The following FANCL variants were observed in gnomAD, a reference collection of about 807,000 sequenced individuals.
The protein encoded by FANCL is E3 ubiquitin-protein ligase FANCL.
A neutral mutation model predicts 59.4 loss-of-function variants in FANCL; 69 were observed. The ratio of observed to expected loss-of-function variants is 1.16; its 90% CI spans 0.96 to 1.42. The LOEUF (loss-of-function observed/expected upper bound fraction) is 1.42. FANCL is among the 40% of genes most tolerant of loss of function. FANCL has a pLI of 0.00. For synonymous variants in FANCL, 180 were observed against 147.1 expected, an observed-to-expected ratio of 1.22 and a Z score of -1.62; for missense variants, 519 against 447.2, an observed-to-expected ratio of 1.16 and a Z score of -1.45.
chr2:58,236,294 T>A (rs574938099), intron 1 of FANCL, among the ~76,000 whole-genome samples: 57 of 151,822 alleles, frequency 3.8e-4, no homozygotes, highest in African/African-American at 1.3e-3. Flanking sequence ...AGCAGAGATT[T>A]CTCGTAGAAA....
chr2:58,171,815 C>T (rs1015568783), intron 7 of FANCL, among the ~76,000 whole-genome samples: 1 of 152,176 alleles, frequency 6.6e-6, no homozygotes, highest in African/African-American at 2.4e-5. Flanking sequence ...CTGCCTCCCT[C>T]GGGAAGTGCA....
At chr2:58,210,869 T>C (rs748025072) in intron 5 of FANCL, among the ~76,000 whole-genome samples, 2 of 151,970 alleles carry the variant, frequency 1.3e-5, no homozygotes, top group African/African-American at 2.4e-5. Context: ...GATACAAGAG[T>C]TGAGTTCCCA....
intron 5 of FANCL, among the ~76,000 whole-genome samples, chr2:58,211,735 C>A (rs1691183068): frequency 6.6e-6 from 1 of 152,222 alleles, no homozygotes; most frequent in South Asian, 2.1e-4. Flanking sequence ...CTCTCAAGTT[C>A]ATAGTTCCAC....
chr2:58,162,552 CT>C (rs1464446220), intron 11 of FANCL, among the ~76,000 whole-genome samples: 2 of 151,706 alleles, frequency 1.3e-5, no homozygotes, highest in African/African-American at 4.8e-5. Flanking sequence ...GATGCAGAAC[CT>C]GTGTTTATGT....
At chr2:58,183,971 G>T (rs1356605271) in intron 7 of FANCL, among the ~76,000 whole-genome samples, 2 of 151,902 alleles carry the variant, frequency 1.3e-5, no homozygotes, top group Non-Finnish European at 2.9e-5. Context: ...TATAATTGTG[G>T]ATGGTACAAG....
chr2:58,187,264 T>G (rs1688496792), intron 7 of FANCL, among the ~76,000 whole-genome samples: 1 of 152,082 alleles, frequency 6.6e-6, no homozygotes, highest in African/African-American at 2.4e-5. Context: ...TGTCCTTTGT[T>G]GGGACACGGA....
At chr2:58,195,536 A>C (rs903032841) in intron 7 of FANCL, among the ~76,000 whole-genome samples, 1 of 152,202 alleles carries the variant, frequency 6.6e-6, no homozygotes, top group African/African-American at 2.4e-5. Context: ...GAAAGATTTT[A>C]TTTGAAACAC....
At chr2:58,219,158 A>ATATATATATAT (rs1692168357) in intron 5 of FANCL, among the ~76,000 whole-genome samples, 1 of 97,856 alleles carries the variant, frequency 1.0e-5, no homozygotes, top group African/African-American at 5.8e-5. Flanking sequence ...AAAAAAAAAA[A>ATATATATATAT]AAAAAAAAAA....
At chr2:58,202,802 T>C (rs1480724310) in intron 6 of FANCL, among the ~76,000 whole-genome samples, 1 of 151,904 alleles carries the variant, frequency 6.6e-6, no homozygotes, top group Non-Finnish European at 1.5e-5. Flanking sequence ...CTTGTAGGTA[T>C]AGTTAAAGGC....
intron 7 of FANCL, among the ~76,000 whole-genome samples, chr2:58,187,797 G>C: frequency 6.6e-6 from 1 of 152,088 alleles, no homozygotes; most frequent in East Asian, 1.9e-4. Flanking sequence ...CGTCCATTTT[G>C]AGTTTTATTA....
chr2:58,193,421 A>G (rs1689129516), intron 7 of FANCL, among the ~76,000 whole-genome samples: 1 of 152,124 alleles, frequency 6.6e-6, no homozygotes, highest in African/African-American at 2.4e-5. Flanking sequence ...CTTTTTAAAT[A>G]AATAATTAGC....
chr2:58,163,161 AC>A, intron 9 of FANCL, 87 bp from the exon 10 acceptor site: 1 of 1,173,484 alleles, frequency 8.5e-7, no homozygotes, highest in African/African-American at 1.6e-5. Context: ...TTTCTTAACT[AC>A]TTGATTAGAA....
Position 58,160,308 on chromosome 2 carries a change from G to T in FANCL, c.1021-129C>A, listed in dbSNP as rs932989442. Reference sequence around the variant, plus strand: ...AGAAGACTTAGCTTAATTTTGTTTTGCAAGAGTAAGGGATGTATTTCCTGA... The same window carrying T: ...AGAAGACTTAGCTTAATTTTGTTTTTCAAGAGTAAGGGATGTATTTCCTGA... On this transcript the variant is annotated intron_variant, in intron 12 of 13. Transcript: ENST00000233741. 5 of 914,024 alleles carry T rather than the reference G, an allele frequency of 5.5e-6. No homozygotes were observed. The African/African-American group carries it at 6.6e-5, about 12-fold the overall frequency. The allele number at this position is 914,024 out of a possible 1,614,324, so 56.6% of individuals were successfully genotyped here.
At chr2:58,227,671 G>T (rs959708986) in intron 3 of FANCL, among the ~76,000 whole-genome samples, 1 of 152,200 alleles carries the variant, frequency 6.6e-6, no homozygotes, top group African/African-American at 2.4e-5. Flanking sequence ...ACTTGTGTGT[G>T]TGTGTGCCTG....
intron 7 of FANCL, among the ~76,000 whole-genome samples, chr2:58,174,188 G>T (rs1687011757): frequency 1.3e-5 from 2 of 152,082 alleles, no homozygotes; most frequent in South Asian, 2.1e-4. Context: ...CAATAATAAT[G>T]GGAGAATTTA....
At chr2:58,224,668 A>C (rs1423394809) in intron 4 of FANCL, among the ~76,000 whole-genome samples, 1 of 151,946 alleles carries the variant, frequency 6.6e-6, no homozygotes, top group Non-Finnish European at 1.5e-5. Flanking sequence ...ATTGTTAGCA[A>C]TATTAGTATT....
intron 7 of FANCL, among the ~76,000 whole-genome samples, chr2:58,176,665 A>G (rs1418944227): frequency 6.6e-6 from 1 of 152,164 alleles, no homozygotes; most frequent in Non-Finnish European, 1.5e-5. Context: ...TAGACCTAAA[A>G]CCATAAAAAC....
chr2:58,176,385 C>CAAGG (rs1163106902), intron 7 of FANCL, among the ~76,000 whole-genome samples: 3 of 151,574 alleles, frequency 2.0e-5, no homozygotes, highest in Non-Finnish European at 3.0e-5. Context: ...AACTATACTA[C>CAAGG]AAGGCTACAG....
chr2:58,240,831 GA>G (rs1373462801), intron 1 of FANCL, among the ~76,000 whole-genome samples: 1 of 152,180 alleles, frequency 6.6e-6, no homozygotes, highest in Non-Finnish European at 1.5e-5. Context: ...CCAGATTCCC[GA>G]GTGAACTCAT....
Sources: allele counts gnomAD v4.1 joint callset (sites outside exome capture counted in the v4.1 genomes callset), GRCh38; gene constraint gnomAD v4.1.1; transcripts MANE v1.5; gene names NCBI Gene and HGNC (gene_info 2026-07-23, HGNC 2026-07-21).